The following ABCG4 variants were observed in gnomAD, a reference collection of about 807,000 sequenced individuals.
The protein encoded by ABCG4 is ATP binding cassette subfamily G member 4, also known as ATP-binding cassette sub-family G member 4.
ABCG4 carries 35 observed loss-of-function variants against 64.6 expected under a neutral mutation model. The observed-to-expected ratio is 0.54, with a 90% CI of 0.41 to 0.72. The LOEUF (loss-of-function observed/expected upper bound fraction) is 0.72. ABCG4 is among the 30% of genes least tolerant of loss of function. The pLI, the probability that ABCG4 is intolerant of heterozygous loss-of-function variation, is 0.00. For synonymous variants in ABCG4, 326 were observed against 348.2 expected (o/e 0.94, Z 0.71); for missense variants, 610 against 846.3 (o/e 0.72, Z 3.46).
At position 119,158,197 on chromosome 11, in the gene ABCG4, A is replaced by G; in HGVS notation, c.1069-37A>G. The G allele has an allele frequency of 6.6e-7, 1 of 1,519,442 alleles. No homozygotes were observed. Among genetic ancestry groups the G allele is most frequent in the Non-Finnish European group, 9.0e-7 (1 of 1,117,036 alleles). 94.1% of individuals were successfully genotyped at this position (1,519,442 alleles called of 1,614,324 possible). A position where few individuals can be genotyped will look rare whatever the true frequency, so the allele number is the denominator to read the frequency against. On this transcript the variant is annotated intron_variant, in intron 9 of 14. Transcript: ENST00000619701. The surrounding 1 kb of genome is among the most constrained non-coding windows in gnomAD (Gnocchi z 4.5). ...TGGGTGTTCTGTGGGTGAATGGGGT[A>G]GGCTCACCTGATCCCGATCCAATTT... is the stretch of plus-strand genomic sequence containing the variant.
intron 9 of ABCG4, among the ~76,000 whole-genome samples, chr11:119,157,903 A>G (rs1948288335): frequency 1.3e-5 from 2 of 152,188 alleles, no homozygotes; most frequent in South Asian, 4.1e-4. Context: ...AACCCAAAAC[A>G]AAACAAAAAA....
chr11:119,158,300 A>G lies in ABCG4; in HGVS notation c.1135A>G (p.Lys379Glu). The G allele has an allele frequency of 6.2e-7, 1 of 1,614,060 alleles. No homozygotes were observed. The highest frequency in any genetic ancestry group is 1.1e-5 in the South Asian group (1 of 91,080). ...STLTQFCILFKRTFLSILRDT... is the reference protein window; with the variant it reads ...STLTQFCILFERTFLSILRDT... ...CCTCACACAGTTCTGCATCCTCTTC[A>G]AGAGGACCTTCCTGTCCATCCTCAG... The change falls in exon 10 of 15, where the codon AAG becomes GAG. Residue 379 changes from lysine (K) to glutamate (E), a missense_variant. By Grantham distance (56) the Lys-to-Glu change is moderately conservative (BLOSUM62 1). Coordinates refer to ENST00000619701, the MANE Select transcript of ABCG4 (RefSeq NM_022169.5). The surrounding 1 kb of genome is among the most constrained non-coding windows in gnomAD (Gnocchi z 4.5).
Position 119,161,317 on chromosome 11 carries a change from T to C in ABCG4, c.*211T>C. 5.4e-6 allele frequency: 3 copies of C among 555,920 alleles called. No individual in the cohort carries two copies. In the South Asian group the frequency reaches 6.6e-5, roughly 12 times the overall value. 34.4% of individuals were successfully genotyped at this position (555,920 alleles called of 1,614,324 possible). On this transcript the variant is annotated 3_prime_UTR_variant, in exon 15 of 15. Coordinates refer to ENST00000619701, the MANE Select transcript of ABCG4 (RefSeq NM_022169.5). ...CAGCCCTCCCCACTATGCCCAGGAG[T>C]CTTCCCAAGTTGATGCGGTTTGTAG...
chr11:119,150,200 A>G lies in ABCG4; in HGVS notation c.235A>G (p.Arg79Gly), dbSNP rs1948177323. Residue 79 changes from arginine (R) to glycine (G), a missense_variant, in exon 2 of 15, where the codon AGG becomes GGG. By Grantham distance (125) the Arg-to-Gly change is moderately radical. Coordinates refer to ENST00000619701, the MANE Select transcript of ABCG4 (RefSeq NM_022169.5). The surrounding 1 kb of genome is among the most constrained non-coding windows in gnomAD (Gnocchi z 4.3). ...GCGGGAGGGGCCCTGCTGGCGCAAA[A>G]GGGGTAGGGAACAGCCTGGTAGGGG... is the stretch of plus-strand genomic sequence containing the variant. ...SVREGPCWRK[R>G]GYKTLLKCLS... 1 of 1,612,650 alleles carries G rather than the reference A, an allele frequency of 6.2e-7. No individual in the cohort carries two copies. The highest frequency in any genetic ancestry group is 8.5e-7 in the Non-Finnish European group (1 of 1,179,096).
Position 119,158,197 on chromosome 11 carries a change from A to C in ABCG4, c.1069-37A>C. ...TGGGTGTTCTGTGGGTGAATGGGGT[A>C]GGCTCACCTGATCCCGATCCAATTT... On this transcript the variant is annotated intron_variant, in intron 9 of 14. Coordinates refer to ENST00000619701, the MANE Select transcript of ABCG4 (RefSeq NM_022169.5). The surrounding 1 kb of genome is among the most constrained non-coding windows in gnomAD (Gnocchi z 4.5). 1 of 1,519,442 alleles carries C rather than the reference A, an allele frequency of 6.6e-7. No homozygotes were observed. The highest frequency in any genetic ancestry group is 1.4e-5 in the African/African-American group (1 of 72,310). 94.1% of individuals were successfully genotyped at this position (1,519,442 alleles called of 1,614,324 possible). A position where few individuals can be genotyped will look rare whatever the true frequency, so the allele number is the denominator to read the frequency against.
Position 119,160,548 on chromosome 11 carries a change from T to C in ABCG4, c.1607T>C (p.Phe536Ser). The C allele has an allele frequency of 6.2e-7, 1 of 1,610,920 alleles. No homozygotes were observed. Among genetic ancestry groups the C allele is most frequent in the Non-Finnish European group, 8.5e-7 (1 of 1,179,882 alleles). Residue 536 changes from phenylalanine (F) to serine (S), a missense_variant, in exon 14 of 15, where the codon TTT becomes TCT. Physicochemically the swap from Phe to Ser is radical, Grantham distance 155. Transcript: ENST00000619701. The surrounding 1 kb of genome is among the most constrained non-coding windows in gnomAD (Gnocchi z 4.6). ...AASNSLQVAT[F>S]VGPVTAIPVL... ...TCCCTTCCCCTCTAGGTGGCCACTT[T>C]TGTGGGCCCAGTTACCGCCATCCCT...
rs1267066884 is a variant in ABCG4, at chr11:119,150,888, C to A, written c.238+685C>A. Among the ~76,000 whole-genome samples, 3 of 152,226 alleles carry A rather than the reference C, an allele frequency of 2.0e-5. No individual in the cohort carries two copies. Among genetic ancestry groups the A allele is most frequent in the Admixed American group, 6.5e-5 (1 of 15,278 alleles). ...CAGGTTCCCCTGAACCCTGACTAGC[C>A]CCTGCAGCCCCTACCCTGAGCAGCT... On this transcript the variant is annotated intron_variant, in intron 2 of 14. Coordinates refer to ENST00000619701, the MANE Select transcript of ABCG4 (RefSeq NM_022169.5). The surrounding 1 kb of genome is among the most constrained non-coding windows in gnomAD (Gnocchi z 4.3).
chr11:119,156,504 G>A lies in ABCG4; in HGVS notation c.810+52G>A. 6.2e-7 allele frequency: 1 copy of A among 1,614,108 alleles called. No homozygotes were observed. Among genetic ancestry groups the A allele is most frequent in the Non-Finnish European group, 8.5e-7 (1 of 1,179,982 alleles). On this transcript the variant is annotated intron_variant, in intron 7 of 14. Coordinates refer to ENST00000619701, the MANE Select transcript of ABCG4 (RefSeq NM_022169.5). The surrounding 1 kb of genome is among the most constrained non-coding windows in gnomAD (Gnocchi z 5.5). ...ATTGGCCTGAGATGGAGGGATGGAA[G>A]GGGGTCAGTAGGGGTGCCTGGCCCG...
rs546308832 is a variant in ABCG4 at position 119,156,259 on chromosome 11, C to A, written c.687-70C>A. 6.2e-7 allele frequency: 1 copy of A among 1,604,120 alleles called. No homozygotes were observed. The highest frequency in any genetic ancestry group is 8.5e-7 in the Non-Finnish European group (1 of 1,173,236). On this transcript the variant is annotated intron_variant, in intron 6 of 14. Coordinates refer to ENST00000619701, the MANE Select transcript of ABCG4 (RefSeq NM_022169.5). The surrounding 1 kb of genome is among the most constrained non-coding windows in gnomAD (Gnocchi z 5.5). Reference sequence around the variant, plus strand: ...TTCATCCCCTTCACAGCAGCTGCCCCGCCCCAGACACTCCCTTCTTTTGGC... The same window carrying A: ...TTCATCCCCTTCACAGCAGCTGCCCAGCCCCAGACACTCCCTTCTTTTGGC...
At position 119,158,399 on chromosome 11, in the gene ABCG4, C is replaced by A; in HGVS notation, c.1167+67C>A. 1 of 1,579,340 alleles carries A rather than the reference C, an allele frequency of 6.3e-7. No individual in the cohort carries two copies. The highest frequency in any genetic ancestry group is 1.1e-5 in the South Asian group (1 of 90,272). On this transcript the variant is annotated intron_variant, in intron 10 of 14. Coordinates refer to ENST00000619701, the MANE Select transcript of ABCG4 (RefSeq NM_022169.5). The surrounding 1 kb of genome is among the most constrained non-coding windows in gnomAD (Gnocchi z 4.5). ...GACCTTTTGGGCTGTAGGATCCCAG[C>A]AGCTGAAATGGGAATGGGGACCCTC...
Position 119,160,126 on chromosome 11 carries a change from G to A in ABCG4, c.1438-101G>A. The A allele has an allele frequency of 1.5e-6, 2 of 1,329,164 alleles. No homozygotes were observed. The highest frequency in any genetic ancestry group is 1.0e-6 in the Non-Finnish European group (1 of 966,048). 82.3% of individuals were successfully genotyped at this position (1,329,164 alleles called of 1,614,324 possible). A position where few individuals can be genotyped will look rare whatever the true frequency, so the allele number is the denominator to read the frequency against. On this transcript the variant is annotated intron_variant, in intron 12 of 14. Transcript: ENST00000619701. This position sits in a 1 kb window ranked among gnomAD's most constrained non-coding sequence, Gnocchi z 4.6. The stretch of plus-strand genomic sequence containing the variant: ...AATGTGGAGGCAGGATGGACACCCT[G>A]GGAATAGGTATTCTAGAGGCCCAGC...
chr11:119,158,642 G>A lies in ABCG4; in HGVS notation c.1253G>A (p.Ser418Asn), dbSNP rs755194527. The change falls in exon 11 of 15, where the codon AGC (serine) becomes AAC (asparagine). Residue 418 changes from serine to asparagine, a missense_variant. Transcript: ENST00000619701. This position sits in a 1 kb window ranked among gnomAD's most constrained non-coding sequence, Gnocchi z 4.5. The part of the protein sequence containing the change: ...LLYLHIGDDA[S>N]KVFNNTGCLF... ...TACCTGCATATTGGCGACGATGCCAGCAAGGTCTTCAACAACACCGGCTGC... is the reference window on the plus strand; with the variant it reads ...TACCTGCATATTGGCGACGATGCCAACAAGGTCTTCAACAACACCGGCTGC... 5.6e-6 allele frequency: 9 copies of A among 1,614,144 alleles called. No homozygotes were observed. The South Asian group carries it at 9.9e-5, about 18-fold the overall frequency.
At position 119,156,020 on chromosome 11, in the gene ABCG4, A is replaced by C; in HGVS notation, c.687-309A>C. 1 of 342,654 alleles carries C rather than the reference A, an allele frequency of 2.9e-6. No individual in the cohort carries two copies. The highest frequency in any genetic ancestry group is 6.6e-5 in the East Asian group (1 of 15,246). 21.2% of individuals were successfully genotyped at this position (342,654 alleles called of 1,614,324 possible). A position where few individuals can be genotyped will look rare whatever the true frequency, so the allele number is the denominator to read the frequency against. ...CCAGTGTTGCTACAGCACTTTCCAC[A>C]TTACCCAAAATCATCTGTGTGCTTG... On this transcript the variant is annotated intron_variant, in intron 6 of 14. Transcript: ENST00000619701. This position sits in a 1 kb window ranked among gnomAD's most constrained non-coding sequence, Gnocchi z 5.5.
In ABCG4 at chr11:119,158,385, C is replaced by T; in HGVS notation, c.1167+53C>T. On this transcript the variant is annotated intron_variant, in intron 10 of 14. Coordinates refer to ENST00000619701, the MANE Select transcript of ABCG4 (RefSeq NM_022169.5). This position sits in a 1 kb window ranked among gnomAD's most constrained non-coding sequence, Gnocchi z 4.5. ...GCTGGCACAGGCCTGACCTTTTGGG[C>T]TGTAGGATCCCAGCAGCTGAAATGG... 6.3e-7 allele frequency: 1 copy of T among 1,591,370 alleles called. No homozygotes were observed. Among genetic ancestry groups the T allele is most frequent in the Non-Finnish European group, 8.6e-7 (1 of 1,160,236 alleles).
intron 9 of ABCG4, 60 bp downstream of exon 9, chr11:119,157,074 A>T (rs1189772077): frequency 6.5e-7 from 1 of 1,528,298 alleles, no homozygotes. Flanking sequence ...TGGACCATGG[A>T]CAGTGGCCCT....
intron 2 of ABCG4, chr11:119,153,443 C>G: frequency 6.5e-6 from 1 of 152,936 alleles, no homozygotes; most frequent in Non-Finnish European, 1.5e-5. Context: ...TAGGGAAAAG[C>G]TCTGAGAACT....
At position 119,150,009 on chromosome 11, in the gene ABCG4, C is replaced by T. The variant is rs113286118; in HGVS notation, c.44C>T (p.Pro15Leu). The change falls in exon 2 of 15, where the codon CCG (proline) becomes CTG (leucine). Residue 15 changes from proline (P) to leucine (L), a missense_variant. Pro to Leu is a moderately conservative substitution (Grantham distance 98). Coordinates refer to ENST00000619701, the MANE Select transcript of ABCG4 (RefSeq NM_022169.5). This position sits in a 1 kb window ranked among gnomAD's most constrained non-coding sequence, Gnocchi z 4.3. Reference protein sequence around the residue: ...ALEAVGCGLGPGAVAMAVTLE... With the variant: ...ALEAVGCGLGLGAVAMAVTLE... The stretch of plus-strand genomic sequence containing the variant: ...GAGGCCGTGGGCTGTGGACTAGGGC[C>T]GGGGGCTGTGGCCATGGCCGTGACG... The T allele has an allele frequency of 8.7e-3, 13,987 of 1,611,808 alleles. 101 individuals are homozygous for T. The highest frequency in any genetic ancestry group is 8.9e-3 in the Non-Finnish European group (10,492 of 1,179,946).
intron 9 of ABCG4, 92 bp downstream of exon 9, chr11:119,157,106 A>C (rs1948276259): frequency 1.3e-6 from 2 of 1,495,192 alleles, no homozygotes; most frequent in South Asian, 2.7e-5. Flanking sequence ...TGTTCCCCAG[A>C]GGCATTGCAA....
Position 119,158,791 on chromosome 11 carries a change from G to A in ABCG4, c.1337-38G>A. The stretch of plus-strand genomic sequence containing the variant: ...GCTGGGGCTTGGGGCAGGGGCCAGG[G>A]TGTCGGCCGGGTGTGCCTAAGCAGC... On this transcript the variant is annotated intron_variant, in intron 11 of 14. Coordinates refer to ENST00000619701, the MANE Select transcript of ABCG4 (RefSeq NM_022169.5). The surrounding 1 kb of genome is among the most constrained non-coding windows in gnomAD (Gnocchi z 4.5). 6.2e-7 allele frequency: 1 copy of A among 1,614,168 alleles called. No homozygotes were observed. Among genetic ancestry groups the A allele is most frequent in the Non-Finnish European group, 8.5e-7 (1 of 1,179,990 alleles).
Sources: gnomAD v4.1 joint callset for allele counts (sites outside exome capture counted in the v4.1 genomes callset) on GRCh38, gnomAD v4.1.1 for gene constraint, Gnocchi (gnomAD v3.1) non-coding constraint, MANE v1.5 for transcripts, NCBI Gene and HGNC (gene_info 2026-07-23, HGNC 2026-07-21) for gene names.